Variants in DEPDC1B observed in about 807,000 individuals in gnomAD.
DEPDC1B encodes DEP domain-containing protein 1B.
In DEPDC1B, 51 loss-of-function variants were observed where a neutral mutation model predicts 66.5. The ratio of observed to expected loss-of-function variants is 0.77; its 90% CI spans 0.61 to 0.97. DEPDC1B has a LOEUF of 0.97. Among genes scored for constraint, DEPDC1B ranks in the 50% least tolerant of loss-of-function variants. The pLI, the probability that DEPDC1B is intolerant of heterozygous loss-of-function variation, is 0.00. For synonymous variants in DEPDC1B, 226 were observed against 223.6 expected, an observed-to-expected ratio of 1.01 and a Z score of -0.10; for missense variants, 552 against 637.1, an observed-to-expected ratio of 0.87 and a Z score of 1.44.
intron 7 of DEPDC1B, among the ~76,000 whole-genome samples, chr5:60,620,732 C>T (rs1379489694): frequency 2.0e-5 from 3 of 152,158 alleles, no homozygotes; most frequent in Non-Finnish European, 4.4e-5. Context: ...GACAGTGTGG[C>T]GATTCCTCAA....
At chr5:60,683,970 GAAAAGAAATCAA>G (rs1754354990) in intron 2 of DEPDC1B, among the ~76,000 whole-genome samples, 1 of 149,590 alleles carries the variant, frequency 6.7e-6, no homozygotes. Flanking sequence ...CAAACTAGCT[GAAAAGAAATCAA>G]AAAAGCAATC....
intron 9 of DEPDC1B, among the ~76,000 whole-genome samples, chr5:60,599,862 A>C (rs533638447): frequency 6.6e-6 from 1 of 152,242 alleles, no homozygotes; most frequent in East Asian, 1.9e-4. Context: ...ATCTCTGTTC[A>C]AAGCTCTCAG....
intron 1 of DEPDC1B, among the ~76,000 whole-genome samples, chr5:60,693,405 C>T (rs1052086484): frequency 4.6e-5 from 7 of 152,090 alleles, no homozygotes; most frequent in East Asian, 1.9e-4. Context: ...AGTCCAAGAA[C>T]GCTGATTTAA....
intron 2 of DEPDC1B, among the ~76,000 whole-genome samples, chr5:60,659,452 T>C (rs1466843811): frequency 2.6e-5 from 4 of 152,212 alleles, no homozygotes; most frequent in East Asian, 3.9e-4. Flanking sequence ...TGTGAGGCTA[T>C]CTAGGGAAGG....
intron 2 of DEPDC1B, among the ~76,000 whole-genome samples, chr5:60,657,173 A>G (rs188218819): frequency 3.2e-4 from 48 of 152,338 alleles, no homozygotes; most frequent in African/African-American, 1.0e-3. Flanking sequence ...CCTTTAGTTT[A>G]TATGAGTGCT....
intron 1 of DEPDC1B, among the ~76,000 whole-genome samples, chr5:60,699,454 A>AAAAAAAAAAAAAC (rs1168069082): frequency 1.3e-5 from 2 of 150,908 alleles, no homozygotes; most frequent in African/African-American, 4.9e-5. Flanking sequence ...AAAAAAAAAA[A>AAAAAAAAAAAAAC]AAAAAAAACA....
At chr5:60,678,215 T>C (rs1754214590) in intron 2 of DEPDC1B, among the ~76,000 whole-genome samples, 1 of 152,114 alleles carries the variant, frequency 6.6e-6, no homozygotes. Flanking sequence ...AACAGAACTA[T>C]TCCATTACTC....
At chr5:60,600,562 C>G (rs1431478206) in intron 9 of DEPDC1B, among the ~76,000 whole-genome samples, 1 of 152,150 alleles carries the variant, frequency 6.6e-6, no homozygotes, top group East Asian at 1.9e-4. Context: ...GAACAAAGAT[C>G]TATAGGTTCT....
chr5:60,647,997 A>C (rs1403212066), intron 2 of DEPDC1B: 1 of 152,918 alleles, frequency 6.5e-6, no homozygotes, highest in Non-Finnish European at 1.5e-5. Context: ...TAAAATGTCT[A>C]TAGTGTTCAA....
rs372125843 is a variant in DEPDC1B at position 60,638,781 on chromosome 5, A to G, written c.867T>C (p.Phe289=). The G allele has an allele frequency of 3.7e-6, 6 of 1,610,916 alleles. No homozygotes were observed. The highest frequency in any genetic ancestry group is 5.1e-6 in the Non-Finnish European group (6 of 1,178,912). Residue 289 remains phenylalanine (F), a synonymous_variant, in exon 7 of 11, where the codon TTT becomes TTC. Coordinates refer to ENST00000265036, the MANE Select transcript of DEPDC1B (RefSeq NM_018369.3). ...YGHLKEPLLT[F]HLFDAFVSVL... ...CACTGACAAAAGCATCAAAAAGATG[A>G]AATGTAAGTAGAGGCTCTTTCAAGT...
At chr5:60,632,165 C>A (rs538696644) in intron 7 of DEPDC1B, among the ~76,000 whole-genome samples, 1 of 152,332 alleles carries the variant, frequency 6.6e-6, no homozygotes, top group East Asian at 1.9e-4. Flanking sequence ...CTGCCTGAAC[C>A]TGGGGCACCA....
chr5:60,612,961 C>G (rs1003917440), intron 7 of DEPDC1B, among the ~76,000 whole-genome samples: 9 of 152,196 alleles, frequency 5.9e-5, no homozygotes, highest in African/African-American at 2.2e-4. Context: ...CGTCACTCTT[C>G]TAAGCTTCTC....
Position 60,603,390 on chromosome 5 carries a change from C to A in DEPDC1B, c.1242+1G>T. 6.4e-7 allele frequency: 1 copy of A among 1,565,976 alleles called. No homozygotes were observed. Among genetic ancestry groups the A allele is most frequent in the Admixed American group, 2.1e-5 (1 of 48,222 alleles). Reference sequence around the variant, plus strand: ...AGAACTGATAATATCCTCTCCTTTACCTGGACTCTTCGTAGATGAGCCACA... The same window carrying A: ...AGAACTGATAATATCCTCTCCTTTAACTGGACTCTTCGTAGATGAGCCACA... On this transcript the variant is annotated splice_donor_variant, in intron 9 of 10. Coordinates refer to ENST00000265036, the MANE Select transcript of DEPDC1B (RefSeq NM_018369.3). LOFTEE classifies it high-confidence loss of function.
intron 7 of DEPDC1B, among the ~76,000 whole-genome samples, chr5:60,621,574 A>T (rs1752702536): frequency 6.6e-6 from 1 of 150,550 alleles, no homozygotes; most frequent in African/African-American, 2.4e-5. Context: ...TAGGAGACAC[A>T]CCTAATGTAA....
chr5:60,670,845 T>C (rs1754018674), intron 2 of DEPDC1B, among the ~76,000 whole-genome samples: 1 of 152,166 alleles, frequency 6.6e-6, no homozygotes, highest in Non-Finnish European at 1.5e-5. Flanking sequence ...TAAGGGTAAT[T>C]CGGACTCCTT....
intron 3 of DEPDC1B, among the ~76,000 whole-genome samples, chr5:60,646,148 G>A (rs1753311570): frequency 6.6e-6 from 1 of 152,140 alleles, no homozygotes; most frequent in Non-Finnish European, 1.5e-5. Context: ...GATGGCAAAA[G>A]GAACAGAAAT....
intron 8 of DEPDC1B, 89 bp downstream of exon 8, chr5:60,605,601 G>A (rs544913208): frequency 1.4e-6 from 2 of 1,431,072 alleles, no homozygotes; most frequent in East Asian, 2.3e-5. Context: ...AGTCTGCTTT[G>A]TACTTCCCTC....
chr5:60,615,299 G>A (rs914908705), intron 7 of DEPDC1B, among the ~76,000 whole-genome samples: 1 of 151,938 alleles, frequency 6.6e-6, no homozygotes, highest in Non-Finnish European at 1.5e-5. Context: ...GACAGTGGGT[G>A]CAGGACAGTG....
At chr5:60,652,991 T>A (rs1294081660) in intron 2 of DEPDC1B, among the ~76,000 whole-genome samples, 1 of 149,376 alleles carries the variant, frequency 6.7e-6, no homozygotes, top group African/African-American at 2.5e-5. Flanking sequence ...ACACCATATT[T>A]TCTTTATCCA....
Sources: gnomAD v4.1 joint callset for allele counts (sites outside exome capture counted in the v4.1 genomes callset) on GRCh38, gnomAD v4.1.1 for gene constraint, MANE v1.5 for transcripts, NCBI Gene and HGNC (gene_info 2026-07-23, HGNC 2026-07-21) for gene names.